Variants in KCNT2 observed in about 807,000 individuals in gnomAD.
KCNT2 encodes the protein potassium sodium-activated channel subfamily T member 2.
KCNT2 carries 67 observed loss-of-function variants against 153.8 expected under a neutral mutation model. That is an observed-to-expected ratio of 0.44 (90% CI 0.36 to 0.53). The LOEUF is 0.53. KCNT2 is among the 20% of genes least tolerant of loss of function. KCNT2 has a pLI of 0.00. For missense variants in KCNT2, 975 were observed against 1,354.8 expected, an observed-to-expected ratio of 0.72 and a Z score of 4.40; for synonymous variants, 500 against 458.8, an observed-to-expected ratio of 1.09 and a Z score of -1.15.
At chr1:196,435,607 A>T (rs901023449) in intron 8 of KCNT2, among the ~76,000 whole-genome samples, 1 of 151,746 alleles carries the variant, frequency 6.6e-6, no homozygotes, top group Non-Finnish European at 1.5e-5. Flanking sequence ...CTTTGCTACC[A>T]TGTTGACGTA....
At chr1:196,393,122 C>T (rs1362428483) in intron 13 of KCNT2, among the ~76,000 whole-genome samples, 1 of 151,400 alleles carries the variant, frequency 6.6e-6, no homozygotes, top group Non-Finnish European at 1.5e-5. Context: ...AGGGTAGCCT[C>T]TGGACTAAAA....
At chr1:196,553,764 AT>A (rs144660843) in intron 1 of KCNT2, among the ~76,000 whole-genome samples, 4,634 of 151,058 alleles carry the variant, frequency 0.031, 107 homozygotes, top group South Asian at 0.066. Context: ...ATTAAAAAAA[AT>A]GAAATAATAT....
rs1673469883 is a variant in KCNT2 at position 196,424,404 on chromosome 1, C to A, written c.1122-1291G>T. On this transcript the variant is annotated intron_variant, in intron 11 of 27. Coordinates refer to ENST00000294725, the MANE Select transcript of KCNT2 (RefSeq NM_198503.5). ...AATTAAGAATATTGATTATCTACAC[C>A]AATGAATACAATGATCTAGATTACA... Among the ~76,000 whole-genome samples, 2 of 151,712 alleles carry A rather than the reference C, an allele frequency of 1.3e-5. 1 individual carries two copies. The highest frequency in any genetic ancestry group is 2.9e-5 in the Non-Finnish European group (2 of 67,882).
At chr1:196,463,712 A>T (rs1444977848) in intron 8 of KCNT2, among the ~76,000 whole-genome samples, 1 of 151,802 alleles carries the variant, frequency 6.6e-6, no homozygotes, top group East Asian at 1.9e-4. Flanking sequence ...ATTTCATATA[A>T]ATAATGAATA....
At chr1:196,328,291 G>A (rs181411155) in intron 18 of KCNT2, among the ~76,000 whole-genome samples, 169 of 151,888 alleles carry the variant, frequency 1.1e-3, no homozygotes, top group Non-Finnish European at 2.1e-3. Context: ...GATCACGTGC[G>A]GGACAGAATG....
chr1:196,425,280 T>C (rs1037315556), intron 11 of KCNT2, among the ~76,000 whole-genome samples: 1 of 151,942 alleles, frequency 6.6e-6, no homozygotes, highest in Non-Finnish European at 1.5e-5. Flanking sequence ...AATTGCCTGG[T>C]ACATGCACAA....
At chr1:196,262,873 A>G (rs1657157188) in intron 25 of KCNT2, among the ~76,000 whole-genome samples, 1 of 152,148 alleles carries the variant, frequency 6.6e-6, no homozygotes, top group African/African-American at 2.4e-5. Context: ...AAAATATTTT[A>G]TGACCTTAAG....
At chr1:196,374,430 T>C (rs925624440) in intron 13 of KCNT2, among the ~76,000 whole-genome samples, 1 of 151,868 alleles carries the variant, frequency 6.6e-6, no homozygotes, top group Non-Finnish European at 1.5e-5. Context: ...TCATTTTTTA[T>C]TGTTTCTCTT....
chr1:196,321,820 G>C (rs559593473), intron 19 of KCNT2, among the ~76,000 whole-genome samples: 1 of 151,980 alleles, frequency 6.6e-6, no homozygotes, highest in East Asian at 1.9e-4. Context: ...GAAACATAAA[G>C]AATAAATAAA....
At chr1:196,303,655 G>A (rs940544356) in intron 22 of KCNT2, among the ~76,000 whole-genome samples, 5 of 152,120 alleles carry the variant, frequency 3.3e-5, no homozygotes, top group Admixed American at 2.0e-4. Flanking sequence ...CATAGATTAT[G>A]TGCTGTAATC....
At chr1:196,478,197 C>G (rs1678702947) in intron 5 of KCNT2, among the ~76,000 whole-genome samples, 1 of 152,178 alleles carries the variant, frequency 6.6e-6, no homozygotes, top group Non-Finnish European at 1.5e-5. Flanking sequence ...CATAATTAAT[C>G]TTTCATTAAA....
At chr1:196,272,271 T>C (rs1452163592) in intron 25 of KCNT2, among the ~76,000 whole-genome samples, 1 of 151,814 alleles carries the variant, frequency 6.6e-6, no homozygotes, top group East Asian at 1.9e-4. Flanking sequence ...GCATCAGATA[T>C]ACACTACGGA....
At chr1:196,260,208 A>C (rs1000540514) in intron 25 of KCNT2, among the ~76,000 whole-genome samples, 3 of 151,874 alleles carry the variant, frequency 2.0e-5, no homozygotes, top group African/African-American at 7.2e-5. Flanking sequence ...ATATGTGGAA[A>C]TAATAATCTT....
chr1:196,452,061 T>C (rs1676259216), intron 8 of KCNT2, among the ~76,000 whole-genome samples: 1 of 152,006 alleles, frequency 6.6e-6, no homozygotes, highest in Non-Finnish European at 1.5e-5. Context: ...CTCTTAAGTT[T>C]AAATTCACAC....
At chr1:196,300,165 ATGGC>A (rs1661052271) in intron 22 of KCNT2, among the ~76,000 whole-genome samples, 1 of 152,236 alleles carries the variant, frequency 6.6e-6, no homozygotes, top group Non-Finnish European at 1.5e-5. Context: ...ATAGGTAATG[ATGGC>A]TTGAGAAGAA....
At chr1:196,402,355 C>T (rs1222410075) in intron 12 of KCNT2, among the ~76,000 whole-genome samples, 1 of 151,418 alleles carries the variant, frequency 6.6e-6, no homozygotes, top group Non-Finnish European at 1.5e-5. Context: ...AGTGTAGTTT[C>T]TAATCTATGG....
At chr1:196,573,903 G>T (rs1661057961) in intron 1 of KCNT2, among the ~76,000 whole-genome samples, 1 of 151,790 alleles carries the variant, frequency 6.6e-6, no homozygotes, top group South Asian at 2.1e-4. Flanking sequence ...TAAGTTAATA[G>T]CATTAATTAA....
intron 14 of KCNT2, among the ~76,000 whole-genome samples, chr1:196,358,453 A>C (rs1667352351): frequency 6.6e-6 from 1 of 152,076 alleles, no homozygotes; most frequent in Non-Finnish European, 1.5e-5. Context: ...CAGAAATTTA[A>C]GTTAAATATT....
Position 196,383,617 on chromosome 1 carries a change from CTG to C in KCNT2, c.1295-10371_1295-10370del, listed in dbSNP as rs537770241. Among the ~76,000 whole-genome samples the C allele has an allele frequency of 4.5e-4, 69 of 152,204 alleles. 1 individual carries two copies. The South Asian group carries it at 5.4e-3, about 12-fold the overall frequency. On this transcript the variant is annotated intron_variant, in intron 13 of 27. Coordinates refer to ENST00000294725, the MANE Select transcript of KCNT2 (RefSeq NM_198503.5). ...TATGGGCTGAACAGTATAAATAAGA[CTG>C]GAATCATCGGGAGTGATGACAGGGT...
Sources: allele counts gnomAD v4.1 joint callset (sites outside exome capture counted in the v4.1 genomes callset), GRCh38; gene constraint gnomAD v4.1.1; transcripts MANE v1.5; gene names NCBI Gene and HGNC (gene_info 2026-07-23, HGNC 2026-07-21).